SIRPG: variants seen among roughly 807,000 people sequenced by gnomAD.
SIRPG encodes signal regulatory protein gamma.
A neutral mutation model predicts 35.7 loss-of-function variants in SIRPG; 38 were observed. The observed-to-expected ratio is 1.06, with a 90% CI of 0.82 to 1.40. SIRPG has a LOEUF of 1.40. Ranked by LOEUF, SIRPG falls within the 40% of genes most tolerant of loss-of-function variation. SIRPG has a pLI of 0.00. For synonymous variants in SIRPG, 215 were observed against 190.4 expected, an observed-to-expected ratio of 1.13 and a Z score of -1.06; for missense variants, 519 against 483.0, an observed-to-expected ratio of 1.07 and a Z score of -0.70.
At chr20:1,653,330 C>T (rs185913716) in intron 1 of SIRPG, among the ~76,000 whole-genome samples, 1 of 152,136 alleles carries the variant, frequency 6.6e-6, no homozygotes, top group African/African-American at 2.4e-5. Flanking sequence ...GAATATCTAC[C>T]TTGTATATAA....
the SIRPG span, among the ~76,000 whole-genome samples, chr20:1,680,978 C>T: frequency 6.6e-6 from 1 of 152,214 alleles, no homozygotes; most frequent in Non-Finnish European, 1.5e-5. Flanking sequence ...CACCAGTGCA[C>T]CCAACATTTC....
the SIRPG span, among the ~76,000 whole-genome samples, chr20:1,686,213 C>A: frequency 6.6e-6 from 1 of 152,112 alleles, no homozygotes; most frequent in Non-Finnish European, 1.5e-5. Flanking sequence ...TCAGACAATG[C>A]CCAGTCCTTG....
At chr20:1,649,626 G>GTCCTTTT (rs1300739683) in intron 1 of SIRPG, among the ~76,000 whole-genome samples, 1 of 101,620 alleles carries the variant, frequency 9.8e-6, no homozygotes, top group African/African-American at 3.9e-5. Context: ...GCACAGAGAG[G>GTCCTTTT]TTCTTTTTTT....
chr20:1,654,140 G>A (rs2091960494), intron 1 of SIRPG, among the ~76,000 whole-genome samples: 1 of 151,898 alleles, frequency 6.6e-6, no homozygotes, highest in Non-Finnish European at 1.5e-5. Context: ...TTGGGAGGCT[G>A]AGGCAGGGGA....
chr20:1,644,934 T>C (rs2091886124), intron 2 of SIRPG, among the ~76,000 whole-genome samples: 1 of 152,184 alleles, frequency 6.6e-6, no homozygotes, highest in Non-Finnish European at 1.5e-5. Context: ...ATTTGCTCGC[T>C]TTTTTGGTTC....
At chr20:1,634,640 A>G (rs980127914) in intron 4 of SIRPG, among the ~76,000 whole-genome samples, 4 of 152,206 alleles carry the variant, frequency 2.6e-5, no homozygotes, top group African/African-American at 9.6e-5. Flanking sequence ...AGTAGGGAGC[A>G]CAAGGGTGGG....
At position 1,654,083 on chromosome 20, in the gene SIRPG, C is replaced by T. The variant is rs538499107; in HGVS notation, c.73+3559G>A. Among the ~76,000 whole-genome samples, 19 of 151,914 alleles carry T rather than the reference C, an allele frequency of 1.3e-4. No homozygotes were observed. The South Asian group carries it at 3.5e-3, about 28-fold the overall frequency. ...TAAAACCTTGTCTCTACTGAAAATA[C>T]AAAAAATTAGCCAGGCATGGTGGTG... On this transcript the variant is annotated intron_variant, in intron 1 of 5. Coordinates refer to ENST00000303415, the MANE Select transcript of SIRPG (RefSeq NM_018556.4).
At chr20:1,662,302 C>T (rs989984633), upstream of SIRPG, among the ~76,000 whole-genome samples, 3 of 152,140 alleles carry the variant, frequency 2.0e-5, no homozygotes, top group East Asian at 3.9e-4. Context: ...GACACAAACT[C>T]GAGGAGGACC....
chr20:1,657,825 G>A, upstream of SIRPG: 1 of 1,004,334 alleles, frequency 1.0e-6, no homozygotes. Context: ...AGAGGAAGTG[G>A]CTATGATGGA....
rs1347020513 is a variant in SIRPG, at chr20:1,635,523, C to T, written c.825G>A (p.Lys275=). Residue 275 remains lysine (K), a synonymous_variant, in exon 4 of 6, where the codon AAG becomes AAA. Coordinates refer to ENST00000303415, the MANE Select transcript of SIRPG (RefSeq NM_018556.4). Reference sequence around the variant, plus strand: ...TCAGCTGTAGGCTCTGGGGGTAGAACTTCCTCACCTGGCAGGTGACGTTTA... The same window carrying T: ...TCAGCTGTAGGCTCTGGGGGTAGAATTTCCTCACCTGGCAGGTGACGTTTA... ...NQVNVTCQVR[K]FYPQSLQLTW... 6 of 1,613,994 alleles carry T rather than the reference C, an allele frequency of 3.7e-6. No homozygotes were observed. Among genetic ancestry groups the T allele is most frequent in the Non-Finnish European group, 5.1e-6 (6 of 1,179,982 alleles).
chr20:1,664,373 C>G, the SIRPG span, among the ~76,000 whole-genome samples: 2 of 152,092 alleles, frequency 1.3e-5, no homozygotes, highest in Non-Finnish European at 2.9e-5. Context: ...AATAGAGAAC[C>G]TCAACAAGGC....
chr20:1,643,731 C>T (rs1470412641), intron 2 of SIRPG, among the ~76,000 whole-genome samples: 1 of 152,164 alleles, frequency 6.6e-6, no homozygotes, highest in East Asian at 1.9e-4. Context: ...ATCTTTCAGG[C>T]TGCTGACCCT....
the SIRPG span, among the ~76,000 whole-genome samples, chr20:1,683,530 G>A: frequency 6.6e-6 from 1 of 152,000 alleles, no homozygotes; most frequent in Admixed American, 6.6e-5. Flanking sequence ...AAGAAAATGT[G>A]GTATATATAC....
At chr20:1,652,652 G>A (rs6079975) in intron 1 of SIRPG, among the ~76,000 whole-genome samples, 3,849 of 152,154 alleles carry the variant, frequency 0.025, 163 homozygotes, top group African/African-American at 0.083. Context: ...TGGTAAATTT[G>A]TACATCTATT....
intron 1 of SIRPG, among the ~76,000 whole-genome samples, chr20:1,656,138 TG>T (rs1352871558): frequency 6.6e-6 from 1 of 152,236 alleles, no homozygotes; most frequent in African/African-American, 2.4e-5. Flanking sequence ...TGTTTCTGAC[TG>T]GTGTGATGGG....
At position 1,636,401 on chromosome 20, in the gene SIRPG, T is replaced by G; in HGVS notation, c.535A>C (p.Thr179Pro). The G allele has an allele frequency of 6.2e-7, 1 of 1,614,164 alleles. No individual in the cohort carries two copies. The highest frequency in any genetic ancestry group is 8.5e-7 in the Non-Finnish European group (1 of 1,180,032). The change falls in exon 3 of 6, where the codon ACC becomes CCC. Residue 179 changes from threonine (T) to proline (P), a missense_variant. Transcript: ENST00000303415. ...TTCCCATTTTTGAACCATTTCAGGG[T>G]GATGTCTCTGGGAGAGAAGCCATGG... Reference protein sequence around the residue: ...ESHGFSPRDITLKWFKNGNEL... With the variant: ...ESHGFSPRDIPLKWFKNGNEL...
intron 2 of SIRPG, among the ~76,000 whole-genome samples, chr20:1,643,437 C>T (rs1268096504): frequency 6.6e-6 from 1 of 152,146 alleles, no homozygotes; most frequent in African/African-American, 2.4e-5. Context: ...TTATGTTCCT[C>T]TATAAACTGG....
At chr20:1,666,693 A>G in the SIRPG span, 1 of 152,208 alleles carries the variant, frequency 6.6e-6, no homozygotes, top group East Asian at 1.9e-4. Context: ...GCCAAGGTGT[A>G]TGGTGTTTAT....
the SIRPG span, among the ~76,000 whole-genome samples, chr20:1,673,697 T>C: frequency 1.3e-5 from 2 of 152,220 alleles, no homozygotes; most frequent in East Asian, 3.9e-4. Flanking sequence ...GAAACAAGTT[T>C]GGCAAATTGG....
Sources: gnomAD v4.1 joint callset for allele counts (sites outside exome capture counted in the v4.1 genomes callset) on GRCh38, gnomAD v4.1.1 for gene constraint, MANE v1.5 for transcripts, NCBI Gene and HGNC (gene_info 2026-07-23, HGNC 2026-07-21) for gene names.